Variants in PHLPP2 observed in about 807,000 individuals in gnomAD.
PHLPP2 encodes the protein PH domain and leucine rich repeat protein phosphatase 2.
In PHLPP2, 66 loss-of-function variants were observed where a neutral mutation model predicts 124.9. The observed-to-expected ratio is 0.53, with a 90% CI of 0.43 to 0.65. The LOEUF is 0.65. Ranked by LOEUF, PHLPP2 falls within the 30% of genes least tolerant of loss-of-function variation. The pLI is 0.00. For synonymous variants in PHLPP2, 681 were observed against 624.7 expected (o/e 1.09, Z -1.34); for missense variants, 1,685 against 1,600.4 (o/e 1.05, Z -0.90).
chr16:71,657,585 G>A (rs1484031664), intron 15 of PHLPP2, among the ~76,000 whole-genome samples: 3 of 150,016 alleles, frequency 2.0e-5, no homozygotes, highest in Non-Finnish European at 3.0e-5. Flanking sequence ...TAGTAGAGAC[G>A]GGGTTTCACC....
At chr16:71,698,291 C>T (rs553850554) in intron 3 of PHLPP2, among the ~76,000 whole-genome samples, 1 of 152,268 alleles carries the variant, frequency 6.6e-6, no homozygotes, top group East Asian at 1.9e-4. Context: ...GCTTCTCAGC[C>T]CCCATGTCTT....
intron 1 of PHLPP2, chr16:71,723,867 T>G: frequency 8.5e-7 from 1 of 1,171,208 alleles, no homozygotes; most frequent in Non-Finnish European, 1.1e-6. Flanking sequence ...ACCTCCCCCA[T>G]CGGCGACCCA....
At chr16:71,703,281 G>C (rs1285456763) in intron 2 of PHLPP2, among the ~76,000 whole-genome samples, 1 of 152,050 alleles carries the variant, frequency 6.6e-6, no homozygotes, top group Non-Finnish European at 1.5e-5. Context: ...GGATCACAAA[G>C]AGCTTTTGTT....
intron 1 of PHLPP2, chr16:71,723,850 C>T (rs2045415419): frequency 4.1e-6 from 5 of 1,215,288 alleles, no homozygotes; most frequent in Admixed American, 9.0e-5. Context: ...CCGCGGGCCC[C>T]GGCTCCACCT....
In PHLPP2 at chr16:71,692,130, C is replaced by T. The variant is rs866753709; in HGVS notation, c.419-1421G>A. Among the ~76,000 whole-genome samples the T allele has an allele frequency of 4.0e-5, 6 of 151,772 alleles. No individual in the cohort carries two copies. The South Asian group carries it at 6.3e-4, about 16-fold the overall frequency. ...TGTCGCCCAGGTTGGAGTGCAGTGG[C>T]GCGATCTCGGCTCACTGCGAGCCCC... On this transcript the variant is annotated intron_variant, in intron 3 of 18. Coordinates refer to ENST00000568954, the MANE Select transcript of PHLPP2 (RefSeq NM_015020.3).
At chr16:71,668,239 G>A (rs1003035402) in intron 11 of PHLPP2, among the ~76,000 whole-genome samples, 2 of 150,802 alleles carry the variant, frequency 1.3e-5, no homozygotes, top group Admixed American at 6.6e-5. Context: ...GTGAAACCCC[G>A]TTCTCTACTA....
chr16:71,710,847 G>A (rs1216283456), intron 2 of PHLPP2, among the ~76,000 whole-genome samples: 9 of 152,156 alleles, frequency 5.9e-5, no homozygotes, highest in African/African-American at 1.9e-4. Flanking sequence ...CTACACTGAA[G>A]CACAGAGCAT....
chr16:71,695,065 A>T (rs1486854897), intron 3 of PHLPP2, among the ~76,000 whole-genome samples: 1 of 152,100 alleles, frequency 6.6e-6, no homozygotes, highest in Non-Finnish European at 1.5e-5. Context: ...GATTACAGGC[A>T]TGAGCCACCG....
chr16:71,664,105 A>G lies in PHLPP2; in HGVS notation c.1785-6T>C. 1.3e-6 allele frequency: 2 copies of G among 1,596,340 alleles called. No individual in the cohort carries two copies. The highest frequency in any genetic ancestry group is 1.7e-6 in the Non-Finnish European group (2 of 1,163,718). On this transcript the variant is annotated splice_region_variant and splice_polypyrimidine_tract_variant and intron_variant, in intron 12 of 18. Coordinates refer to ENST00000568954, the MANE Select transcript of PHLPP2 (RefSeq NM_015020.3). ...ATGCATTCAAGTATCTGAGACTGAC[A>G]GAACACACACAGATCATCACCTCCT...
At chr16:71,675,775 A>C (rs2044940274) in intron 9 of PHLPP2, among the ~76,000 whole-genome samples, 1 of 152,138 alleles carries the variant, frequency 6.6e-6, no homozygotes, top group Non-Finnish European at 1.5e-5. Context: ...TCATGAGAAC[A>C]TGCAATGGCA....
chr16:71,662,055 C>G (rs1013432794), intron 13 of PHLPP2, among the ~76,000 whole-genome samples: 2 of 151,850 alleles, frequency 1.3e-5, no homozygotes, highest in Admixed American at 6.6e-5. Flanking sequence ...ATTTCTTGAC[C>G]TCGTGATCCG....
chr16:71,674,045 A>G (rs1437223752), intron 9 of PHLPP2, among the ~76,000 whole-genome samples: 2 of 152,086 alleles, frequency 1.3e-5, no homozygotes, highest in African/African-American at 2.4e-5. Flanking sequence ...TATAGCTTTT[A>G]ACAAACCTAC....
At chr16:71,672,591 T>A (rs2044905181) in intron 9 of PHLPP2, among the ~76,000 whole-genome samples, 1 of 152,278 alleles carries the variant, frequency 6.6e-6, no homozygotes, top group African/African-American at 2.4e-5. Flanking sequence ...TAACAGTAAC[T>A]ACTTAGCTTT....
At position 71,684,485 on chromosome 16, in the gene PHLPP2, T is replaced by C. The variant is rs375483989; in HGVS notation, c.726A>G (p.Gln242=). The change falls in exon 5 of 19, where the codon CAA becomes CAG. Residue 242 remains glutamine (Q), a synonymous_variant. Coordinates refer to ENST00000568954, the MANE Select transcript of PHLPP2 (RefSeq NM_015020.3). ...TLAEYQRWQR[Q]ASKVVSQRIS... ...TCCCATTACTTTTCACCTTGGATGCTTGCCGTTGCCATCGCTGGTACTCGG... is the reference window on the plus strand; with the variant it reads ...TCCCATTACTTTTCACCTTGGATGCCTGCCGTTGCCATCGCTGGTACTCGG... 4.3e-6 allele frequency: 7 copies of C among 1,613,876 alleles called. No homozygotes were observed. In the Admixed American group the frequency reaches 1.0e-4, roughly 23 times the overall value.
chr16:71,692,099 T>C lies in PHLPP2; in HGVS notation c.419-1390A>G, dbSNP rs189057492. Reference sequence around the variant, plus strand: ...AATTTTTTTTTTTTGAGACGGAGTCTTGCTCTGTCGCCCAGGTTGGAGTGC... The same window carrying C: ...AATTTTTTTTTTTTGAGACGGAGTCCTGCTCTGTCGCCCAGGTTGGAGTGC... On this transcript the variant is annotated intron_variant, in intron 3 of 18. Transcript: ENST00000568954. Among the ~76,000 whole-genome samples, 660 of 152,216 alleles carry C rather than the reference T, an allele frequency of 4.3e-3. 11 individuals are homozygous for C. The highest frequency in any genetic ancestry group is 0.015 in the African/African-American group (639 of 41,552).
chr16:71,694,837 T>G (rs2045152837), intron 3 of PHLPP2, among the ~76,000 whole-genome samples: 1 of 151,986 alleles, frequency 6.6e-6, no homozygotes, highest in Non-Finnish European at 1.5e-5. Flanking sequence ...CAGGCTGGAG[T>G]GCAGTGGCTC....
rs563793089 is a variant in PHLPP2, at chr16:71,660,771, CT to C, written c.1986-1957del. ...AGTGTTCCCATGTCCAAATCTCGTG[CT>C]TTTTTCCCTTATCCTGCCTGGATTT... On this transcript the variant is annotated intron_variant, in intron 13 of 18. Coordinates refer to ENST00000568954, the MANE Select transcript of PHLPP2 (RefSeq NM_015020.3). Among the ~76,000 whole-genome samples, 5 of 152,150 alleles carry C rather than the reference CT, an allele frequency of 3.3e-5. No individual in the cohort carries two copies. The South Asian group carries it at 1.0e-3, about 32-fold the overall frequency.
At chr16:71,693,650 C>G (rs1437815417) in intron 3 of PHLPP2, among the ~76,000 whole-genome samples, 2 of 152,218 alleles carry the variant, frequency 1.3e-5, no homozygotes, top group Admixed American at 1.3e-4. Flanking sequence ...CCTGATGGAG[C>G]ACCCATGGCC....
intron 4 of PHLPP2, 151 bp from the exon 5 acceptor site, chr16:71,684,752 A>G (rs964468039): frequency 9.2e-6 from 6 of 652,864 alleles, no homozygotes; most frequent in Non-Finnish European, 1.3e-5. Flanking sequence ...CCATCTGCCA[A>G]TGGGTCACAC....
Sources: gnomAD v4.1 joint callset for allele counts (sites outside exome capture counted in the v4.1 genomes callset) on GRCh38, gnomAD v4.1.1 for gene constraint, MANE v1.5 for transcripts, NCBI Gene and HGNC (gene_info 2026-07-23, HGNC 2026-07-21) for gene names.